PRICKLE2: variants seen among roughly 807,000 people sequenced by gnomAD.
The protein encoded by PRICKLE2 is prickle planar cell polarity protein 2.
A neutral mutation model predicts 81.4 loss-of-function variants in PRICKLE2; 21 were observed. The ratio of observed to expected loss-of-function variants is 0.26; its 90% CI spans 0.18 to 0.37. The LOEUF is 0.37. Ranked by LOEUF, PRICKLE2 falls within the 10% of genes least tolerant of loss-of-function variation. The probability of loss-of-function intolerance (pLI) is 1.00; values close to 1 mark genes in which losing one functional copy is unlikely to be tolerated. For synonymous variants in PRICKLE2, 456 were observed against 421.5 expected, an observed-to-expected ratio of 1.08 and a Z score of -1.00; for missense variants, 940 against 1,109.0, an observed-to-expected ratio of 0.85 and a Z score of 2.16.
chr3:64,131,748 T>C (rs2077200116), intron 7 of PRICKLE2, among the ~76,000 whole-genome samples: 1 of 151,622 alleles, frequency 6.6e-6, no homozygotes, highest in African/African-American at 2.4e-5. Flanking sequence ...AAATGGAAAG[T>C]TCTCCACCCT....
chr3:64,152,520 T>G (rs563719364), intron 6 of PRICKLE2, among the ~76,000 whole-genome samples: 3 of 152,288 alleles, frequency 2.0e-5, no homozygotes, highest in Admixed American at 6.5e-5. Context: ...TGAAGTTCAT[T>G]TGCTTTGCAT....
At chr3:64,144,423 T>C (rs1412568917) in intron 7 of PRICKLE2, among the ~76,000 whole-genome samples, 3 of 152,246 alleles carry the variant, frequency 2.0e-5, no homozygotes, top group African/African-American at 2.4e-5. Flanking sequence ...CTCAGAACAA[T>C]GTTTGACACA....
chr3:64,266,122 G>C (rs1211168466), intron 2 of PRICKLE2, among the ~76,000 whole-genome samples: 1 of 151,660 alleles, frequency 6.6e-6, no homozygotes, highest in African/African-American at 2.4e-5. Context: ...ATCTGAGGCT[G>C]ATTCAGGAAA....
chr3:64,112,109 C>T (rs984675344), intron 7 of PRICKLE2, among the ~76,000 whole-genome samples: 14 of 152,136 alleles, frequency 9.2e-5, no homozygotes, highest in African/African-American at 3.4e-4. Flanking sequence ...TATTTAATCT[C>T]AAGGGTTAAA....
intron 1 of PRICKLE2, among the ~76,000 whole-genome samples, chr3:64,214,147 C>T (rs1295167836): frequency 6.6e-6 from 1 of 152,140 alleles, no homozygotes; most frequent in Non-Finnish European, 1.5e-5. Context: ...CAGCGGAATC[C>T]CTCAGGGGCT....
intron 1 of PRICKLE2, chr3:64,199,619 G>A (rs2078533061): frequency 6.6e-6 from 1 of 152,248 alleles, no homozygotes; most frequent in Non-Finnish European, 1.5e-5. Flanking sequence ...ATGTTGGTGG[G>A]GTTTTTTATA....
At chr3:64,142,885 T>C (rs924082244) in intron 7 of PRICKLE2, among the ~76,000 whole-genome samples, 6 of 152,202 alleles carry the variant, frequency 3.9e-5, no homozygotes, top group Non-Finnish European at 8.8e-5. Context: ...CAAAATTCCA[T>C]GGATGAGGAA....
chr3:64,210,789 T>C (rs1405622550), intron 1 of PRICKLE2, among the ~76,000 whole-genome samples: 1 of 152,204 alleles, frequency 6.6e-6, no homozygotes, highest in Non-Finnish European at 1.5e-5. Context: ...TTTAAAGATC[T>C]CTTACTGTAT....
At position 64,097,030 on chromosome 3, in the gene PRICKLE2, C is replaced by G. The variant is rs1370854592; in HGVS notation, c.*2021G>C. On this transcript the variant is annotated 3_prime_UTR_variant, in exon 8 of 8. Transcript: ENST00000638394. Reference sequence around the variant, plus strand: ...TGCAAATTATTTCTTAATCAGTTTGCCAAGCAGTTTACAAACTTACTATAC... The same window carrying G: ...TGCAAATTATTTCTTAATCAGTTTGGCAAGCAGTTTACAAACTTACTATAC... 2.0e-5 allele frequency: 3 copies of G among 152,546 alleles called. No individual in the cohort carries two copies. Among genetic ancestry groups the G allele is most frequent in the Non-Finnish European group, 4.4e-5 (3 of 68,040 alleles). 9.4% of individuals were successfully genotyped at this position (152,546 alleles called of 1,614,324 possible). A position where few individuals can be genotyped will look rare whatever the true frequency, so the allele number is the denominator to read the frequency against.
rs1438798385 is a variant in PRICKLE2, at chr3:64,096,136, G to C, written c.*2915C>G. The C allele has an allele frequency of 2.0e-5, 3 of 152,188 alleles. No individual in the cohort carries two copies. The highest frequency in any genetic ancestry group is 2.0e-4 in the Admixed American group (3 of 15,272). 9.4% of individuals were successfully genotyped at this position (152,188 alleles called of 1,614,324 possible). A position where few individuals can be genotyped will look rare whatever the true frequency, so the allele number is the denominator to read the frequency against. ...TCCGAAGTTGCAGTTCTAACCAAAA[G>C]ACAAGAAGATCAATATTAGGAGAGG... On this transcript the variant is annotated 3_prime_UTR_variant, in exon 8 of 8. Coordinates refer to ENST00000638394, the MANE Select transcript of PRICKLE2 (RefSeq NM_198859.4).
At chr3:64,194,443 T>A (rs1432737441) in intron 2 of PRICKLE2, 1 of 152,232 alleles carries the variant, frequency 6.6e-6, no homozygotes, top group Non-Finnish European at 1.5e-5. Flanking sequence ...CCCAGGAACA[T>A]TGGGTAACGT....
chr3:64,199,823 G>T (rs1176328816), intron 1 of PRICKLE2: 1 of 151,906 alleles, frequency 6.6e-6, no homozygotes, highest in African/African-American at 2.4e-5. Flanking sequence ...TAAAAAGAGA[G>T]AAAAAAAGAA....
rs748122339 is a variant in PRICKLE2, at chr3:64,099,054, A to G, written c.2532T>C (p.Ser844=). Residue 844 remains serine, a synonymous_variant, in exon 8 of 8, where the codon TCT becomes TCC. Coordinates refer to ENST00000638394, the MANE Select transcript of PRICKLE2 (RefSeq NM_198859.4). The surrounding 1 kb of genome is among the most constrained non-coding windows in gnomAD (Gnocchi z 4.3). ...CCATTCCCTGATCCCAATCATATTAAGAAATGATACAGTTTTTGCTCTTCT... is the reference window on the plus strand; with the variant it reads ...CCATTCCCTGATCCCAATCATATTAGGAAATGATACAGTTTTTGCTCTTCT... The part of the protein sequence containing the change: ...KRQKSKNCII[S] The G allele has an allele frequency of 5.6e-5, 90 of 1,614,054 alleles. 1 individual carries two copies. The South Asian group carries it at 9.4e-4, about 17-fold the overall frequency.
chr3:64,102,184 A>G (rs2076677439), intron 7 of PRICKLE2: 1 of 152,256 alleles, frequency 6.6e-6, no homozygotes, highest in African/African-American at 2.4e-5. Context: ...TGGCAATTAC[A>G]TATAATACCT....
chr3:64,240,056 G>A (rs137963738), intron 2 of PRICKLE2, among the ~76,000 whole-genome samples: 298 of 151,786 alleles, frequency 2.0e-3, no homozygotes, highest in African/African-American at 6.8e-3. Context: ...CTGGGAGGTC[G>A]AGGCTGCAGG....
intron 7 of PRICKLE2, among the ~76,000 whole-genome samples, chr3:64,109,867 C>T (rs2076815845): frequency 6.6e-6 from 1 of 152,240 alleles, no homozygotes. Context: ...ACTTCTCTGA[C>T]AGACCCAGTA....
In PRICKLE2 at chr3:64,225,188, G is replaced by C; in HGVS notation, c.-319C>G. ...GAATTCACCAAGCAAGAGAAAAAAA[G>C]TATGACTTCTACTCTTCCTCTAGAT... On this transcript the variant is annotated 5_prime_UTR_variant, in exon 1 of 8. Transcript: ENST00000638394. 2 of 985,414 alleles carry C rather than the reference G, an allele frequency of 2.0e-6. No homozygotes were observed. Among genetic ancestry groups the C allele is most frequent in the Non-Finnish European group, 2.4e-6 (2 of 829,962 alleles). The allele number at this position is 985,414 out of a possible 1,614,324, so 61.0% of individuals were successfully genotyped here.
At chr3:64,265,027 G>T (rs180826097) in intron 2 of PRICKLE2, among the ~76,000 whole-genome samples, 12 of 152,182 alleles carry the variant, frequency 7.9e-5, no homozygotes, top group Admixed American at 3.3e-4. Context: ...TGTTCCCTCC[G>T]CTACCCCTAC....
rs1008854813 is a variant in PRICKLE2, at chr3:64,163,269, G to A, written c.145-140C>T. 5.4e-5 allele frequency: 39 copies of A among 720,912 alleles called. No individual in the cohort carries two copies. In the African/African-American group the frequency reaches 6.2e-4, roughly 12 times the overall value. 44.7% of individuals were successfully genotyped at this position (720,912 alleles called of 1,614,324 possible). On this transcript the variant is annotated intron_variant, in intron 2 of 7. Transcript: ENST00000638394. The stretch of plus-strand genomic sequence containing the variant: ...CTCTTTATGAAAGTCAACAGCAGAT[G>A]AGTTTCCTATGGTAAGCAGAGAAAT...
Sources: gnomAD v4.1 joint callset for allele counts (sites outside exome capture counted in the v4.1 genomes callset) on GRCh38, gnomAD v4.1.1 for gene constraint, Gnocchi (gnomAD v3.1) non-coding constraint, MANE v1.5 for transcripts, NCBI Gene and HGNC (gene_info 2026-07-23, HGNC 2026-07-21) for gene names.